The following NUDT5 variants were observed in gnomAD, a reference collection of about 807,000 sequenced individuals.
NUDT5 encodes the protein nudix hydrolase 5.
A neutral mutation model predicts 34.1 loss-of-function variants in NUDT5; 21 were observed. The ratio of observed to expected loss-of-function variants is 0.62; its 90% CI spans 0.44 to 0.89. NUDT5 has a LOEUF of 0.89. NUDT5 is among the 40% of genes least tolerant of loss of function. The pLI is 0.00. For missense variants in NUDT5, 249 were observed against 274.8 expected (o/e 0.91, Z 0.66); for synonymous variants, 85 against 97.6 (o/e 0.87, Z 0.76).
Position 12,173,953 on chromosome 10 carries a change from G to A in NUDT5, c.290-140C>T, listed in dbSNP as rs1834905246. The A allele has an allele frequency of 1.2e-5, 8 of 647,952 alleles. No homozygotes were observed. The highest frequency in any genetic ancestry group is 1.7e-5 in the South Asian group (1 of 59,312). The allele number at this position is 647,952 out of a possible 1,614,324, so 40.1% of individuals were successfully genotyped here. A position where few individuals can be genotyped will look rare whatever the true frequency, so the allele number is the denominator to read the frequency against. ...GCGATCTCGGCCCACTGCAACCTCC[G>A]CCCGTCCAGGTTTAAGCAATTCTCT... On this transcript the variant is annotated intron_variant, in intron 5 of 9. Transcript: ENST00000491614. The surrounding 1 kb of genome is among the most constrained non-coding windows in gnomAD (Gnocchi z 4.7).
chr10:12,172,272 A>T lies in NUDT5; in HGVS notation c.487+493T>A, dbSNP rs533153721. Among the ~76,000 whole-genome samples the T allele has an allele frequency of 3.9e-5, 6 of 152,074 alleles. No individual in the cohort carries two copies. The South Asian group carries it at 1.2e-3, about 32-fold the overall frequency. On this transcript the variant is annotated intron_variant, in intron 7 of 9. Transcript: ENST00000491614. ...AATAATCTGCTGCCCGTTAACAATT[A>T]CTTAGGCCATTTTTTTTTTTTTAAG...
chr10:12,174,523 C>T (rs1834918504), intron 5 of NUDT5, among the ~76,000 whole-genome samples: 1 of 151,970 alleles, frequency 6.6e-6, no homozygotes, highest in Non-Finnish European at 1.5e-5. Context: ...GTGATTCACC[C>T]GCCTCAGCCT....
chr10:12,167,780 G>A lies in NUDT5; in HGVS notation c.582C>T (p.Asp194=), dbSNP rs376827328. 60 of 1,614,120 alleles carry A rather than the reference G, an allele frequency of 3.7e-5. 1 individual carries two copies. Among genetic ancestry groups the A allele is most frequent in the South Asian group, 3.3e-4 (30 of 91,076 alleles). Residue 194 remains aspartate (D), a synonymous_variant, in exon 10 of 10, where the codon GAC becomes GAT. Coordinates refer to ENST00000491614, the MANE Select transcript of NUDT5 (RefSeq NM_014142.4). ...CTAGAGCGTAGGAATAGACCCTGGC[G>A]TCCACTGTGAGATGTTCTTCAGCTA... ...ALVAEEHLTV[D]ARVYSYALAL...
chr10:12,191,988 G>A (rs541307426), intron 1 of NUDT5, among the ~76,000 whole-genome samples: 2 of 152,170 alleles, frequency 1.3e-5, no homozygotes, highest in East Asian at 3.9e-4. Context: ...GCAAAGTGAA[G>A]CAAAAAATCC....
At chr10:12,174,353 G>A (rs1834915199) in intron 5 of NUDT5, among the ~76,000 whole-genome samples, 1 of 150,002 alleles carries the variant, frequency 6.7e-6, no homozygotes, top group African/African-American at 2.5e-5. Context: ...TGCAACCTCT[G>A]CCTCCTGGGT....
rs1359948500 is a variant in NUDT5 at position 12,168,189 on chromosome 10, TA to T, written c.551-379del. Among the ~76,000 whole-genome samples, 3 of 152,078 alleles carry T rather than the reference TA, an allele frequency of 2.0e-5. No homozygotes were observed. The highest frequency in any genetic ancestry group is 7.2e-5 in the African/African-American group (3 of 41,414). ...ATAGGCGCACGCCACCACGCCCAGC[TA>T]ATTTTTGTATTTTTAGTAGAGACGG... On this transcript the variant is annotated intron_variant, in intron 9 of 9. Coordinates refer to ENST00000491614, the MANE Select transcript of NUDT5 (RefSeq NM_014142.4). This position sits in a 1 kb window ranked among gnomAD's most constrained non-coding sequence, Gnocchi z 4.8.
At position 12,181,179 on chromosome 10, in the gene NUDT5, G is replaced by C. The variant is rs1835035634; in HGVS notation, c.132-2047C>G. On this transcript the variant is annotated intron_variant, in intron 3 of 9. Transcript: ENST00000491614. This position sits in a 1 kb window ranked among gnomAD's most constrained non-coding sequence, Gnocchi z 5.0. ...TCTTGCCATTATTCCCTAAACAATA[G>C]AGTACGACTGTTGACACAGCATTTG... is the stretch of plus-strand genomic sequence containing the variant. Among the ~76,000 whole-genome samples, 1 of 152,170 alleles carries C rather than the reference G, an allele frequency of 6.6e-6. No homozygotes were observed.
chr10:12,173,690 A>G lies in NUDT5; in HGVS notation c.385+28T>C. ...CCCTTCCCAGACGGAGGAATCCATCACTTGGTGAATTTTCAAGCAATACCA... is the reference window on the plus strand; with the variant it reads ...CCCTTCCCAGACGGAGGAATCCATCGCTTGGTGAATTTTCAAGCAATACCA... On this transcript the variant is annotated intron_variant, in intron 6 of 9. Coordinates refer to ENST00000491614, the MANE Select transcript of NUDT5 (RefSeq NM_014142.4). This position sits in a 1 kb window ranked among gnomAD's most constrained non-coding sequence, Gnocchi z 4.7. The G allele has an allele frequency of 6.7e-7, 1 of 1,501,134 alleles. No homozygotes were observed. The highest frequency in any genetic ancestry group is 9.3e-7 in the Non-Finnish European group (1 of 1,077,328). 93.0% of individuals were successfully genotyped at this position (1,501,134 alleles called of 1,614,324 possible).
In NUDT5 at chr10:12,170,200, C is replaced by G. The variant is rs769826829; in HGVS notation, c.550+517G>C. The G allele has an allele frequency of 2.0e-5, 32 of 1,611,516 alleles. No homozygotes were observed. On this transcript the variant is annotated intron_variant, in intron 9 of 9. Coordinates refer to ENST00000491614, the MANE Select transcript of NUDT5 (RefSeq NM_014142.4). This position sits in a 1 kb window ranked among gnomAD's most constrained non-coding sequence, Gnocchi z 4.9. ...AGAATTATACAATGCATCTACATGACCAGTGATTTCTAAGGGCCACACAGC... is the reference window on the plus strand; with the variant it reads ...AGAATTATACAATGCATCTACATGAGCAGTGATTTCTAAGGGCCACACAGC...
rs1473287404 is a variant in NUDT5, at chr10:12,166,863, T to A, written c.*839A>T. The A allele has an allele frequency of 2.4e-6, 1 of 416,168 alleles. No homozygotes were observed. Among genetic ancestry groups the A allele is most frequent in the African/African-American group, 2.1e-5 (1 of 48,012 alleles). 25.8% of individuals were successfully genotyped at this position (416,168 alleles called of 1,614,324 possible). On this transcript the variant is annotated 3_prime_UTR_variant, in exon 10 of 10. Transcript: ENST00000491614. Reference sequence around the variant, plus strand: ...CATGGGAACCAGATCAATCTGTACTTCTTGCTGTGAACTACTCTGTATTGG... The same window carrying A: ...CATGGGAACCAGATCAATCTGTACTACTTGCTGTGAACTACTCTGTATTGG...
Position 12,186,341 on chromosome 10 carries a change from TA to T in NUDT5, c.-41-10del, listed in dbSNP as rs1835128476. The T allele has an allele frequency of 7.7e-7, 1 of 1,293,624 alleles. No individual in the cohort carries two copies. Among genetic ancestry groups the T allele is most frequent in the Non-Finnish European group, 1.1e-6 (1 of 888,676 alleles). 80.1% of individuals were successfully genotyped at this position (1,293,624 alleles called of 1,614,324 possible). On this transcript the variant is annotated splice_polypyrimidine_tract_variant and intron_variant, in intron 1 of 9. Coordinates refer to ENST00000491614, the MANE Select transcript of NUDT5 (RefSeq NM_014142.4). The stretch of plus-strand genomic sequence containing the variant: ...CAGGTGAGAAGTTCACCCTGCAAGA[TA>T]ATGAGATTTGTTCAGGCTAAAATTA...
At position 12,168,548 on chromosome 10, in the gene NUDT5, G is replaced by A. The variant is rs1472976710; in HGVS notation, c.551-737C>T. On this transcript the variant is annotated intron_variant, in intron 9 of 9. Coordinates refer to ENST00000491614, the MANE Select transcript of NUDT5 (RefSeq NM_014142.4). The surrounding 1 kb of genome is among the most constrained non-coding windows in gnomAD (Gnocchi z 4.8). ...CTGGAGATCTACTACCAAGAATGCG[G>A]TCTCAGGACCTTATTACCACAGGCT... Among the ~76,000 whole-genome samples, 2 of 152,116 alleles carry A rather than the reference G, an allele frequency of 1.3e-5. No individual in the cohort carries two copies. Among genetic ancestry groups the A allele is most frequent in the Non-Finnish European group, 1.5e-5 (1 of 68,028 alleles).
chr10:12,170,962 G>T lies in NUDT5; in HGVS notation c.488-54C>A. ...AGCAAGGCCTGGAGTGGTAACATCG[G>T]AAGACTTTTATACAAGAGGCGTCAA... On this transcript the variant is annotated intron_variant, in intron 7 of 9. Coordinates refer to ENST00000491614, the MANE Select transcript of NUDT5 (RefSeq NM_014142.4). The surrounding 1 kb of genome is among the most constrained non-coding windows in gnomAD (Gnocchi z 4.9). The T allele has an allele frequency of 6.3e-7, 1 of 1,598,454 alleles. No homozygotes were observed. Among genetic ancestry groups the T allele is most frequent in the East Asian group, 2.2e-5 (1 of 44,576 alleles).
At chr10:12,172,922 T>C (rs567535205) in intron 6 of NUDT5, 56 bp from the exon 7 acceptor site, 8 of 1,302,240 alleles carry the variant, frequency 6.1e-6, no homozygotes, top group African/African-American at 1.5e-5. Context: ...TGTTTCACTA[T>C]GGTCTTAGGA....
At position 12,187,342 on chromosome 10, in the gene NUDT5, C is replaced by A. The variant is rs1267583847; in HGVS notation, c.-41-1010G>T. On this transcript the variant is annotated intron_variant, in intron 1 of 9. Coordinates refer to ENST00000491614, the MANE Select transcript of NUDT5 (RefSeq NM_014142.4). This position sits in a 1 kb window ranked among gnomAD's most constrained non-coding sequence, Gnocchi z 5.4. The stretch of plus-strand genomic sequence containing the variant: ...ATGAGCCACTGGACCCACCTCCCCA[C>A]TTACTTTTAAGTTTCAGCATGTATC... Among the ~76,000 whole-genome samples, 1 of 152,238 alleles carries A rather than the reference C, an allele frequency of 6.6e-6. No individual in the cohort carries two copies. The highest frequency in any genetic ancestry group is 1.5e-5 in the Non-Finnish European group (1 of 68,040).
At chr10:12,178,363 T>C (rs1834989804) in intron 4 of NUDT5, among the ~76,000 whole-genome samples, 1 of 152,162 alleles carries the variant, frequency 6.6e-6, no homozygotes, top group African/African-American at 2.4e-5. Context: ...GTAAAAGACC[T>C]TTCCTCTCAA....
rs1191784220 is a variant in NUDT5 at position 12,168,764 on chromosome 10, T to A, written c.551-953A>T. On this transcript the variant is annotated intron_variant, in intron 9 of 9. Coordinates refer to ENST00000491614, the MANE Select transcript of NUDT5 (RefSeq NM_014142.4). The surrounding 1 kb of genome is among the most constrained non-coding windows in gnomAD (Gnocchi z 4.8). ...TTGTAGCAAACTGATCTTTTTTTAA[T>A]TTTTTTTTTATGTTTTTGAGATGGA... Among the ~76,000 whole-genome samples, 6 of 150,274 alleles carry A rather than the reference T, an allele frequency of 4.0e-5. No homozygotes were observed. The highest frequency in any genetic ancestry group is 7.4e-5 in the Non-Finnish European group (5 of 67,372).
Position 12,175,384 on chromosome 10 carries a change from G to A in NUDT5, c.290-1571C>T, listed in dbSNP as rs764838536. On this transcript the variant is annotated intron_variant, in intron 5 of 9. Coordinates refer to ENST00000491614, the MANE Select transcript of NUDT5 (RefSeq NM_014142.4). This position sits in a 1 kb window ranked among gnomAD's most constrained non-coding sequence, Gnocchi z 4.8. ...ACTCAGGCTGGGTGTGGTGGCTCAC[G>A]CCTGTAATCCCAACACTTTGGGAGG... Among the ~76,000 whole-genome samples, 1 of 151,614 alleles carries A rather than the reference G, an allele frequency of 6.6e-6. No individual in the cohort carries two copies. Among genetic ancestry groups the A allele is most frequent in the East Asian group, 1.9e-4 (1 of 5,160 alleles).
intron 5 of NUDT5, among the ~76,000 whole-genome samples, chr10:12,177,354 C>A (rs1834967753): frequency 6.6e-6 from 1 of 151,718 alleles, no homozygotes; most frequent in Non-Finnish European, 1.5e-5. Context: ...CCTGTCTCTA[C>A]TAAAAATACA....
Sources: gnomAD v4.1 joint callset for allele counts (sites outside exome capture counted in the v4.1 genomes callset) on GRCh38, gnomAD v4.1.1 for gene constraint, Gnocchi (gnomAD v3.1) non-coding constraint, MANE v1.5 for transcripts, NCBI Gene and HGNC (gene_info 2026-07-23, HGNC 2026-07-21) for gene names.